Variants in CSMD3 observed in about 807,000 individuals in gnomAD.
The protein encoded by CSMD3 is CUB and sushi domain-containing protein 3.
A neutral mutation model predicts 435.2 loss-of-function variants in CSMD3; 177 were observed. The observed-to-expected ratio is 0.41, with a 90% CI of 0.36 to 0.46. CSMD3 has a LOEUF of 0.46. Among genes scored for constraint, CSMD3 ranks in the 20% least tolerant of loss-of-function variants. The pLI, the probability that CSMD3 is intolerant of heterozygous loss-of-function variation, is 0.34. For missense variants in CSMD3, 4,265 were observed against 4,504.6 expected (o/e 0.95, Z 1.52); for synonymous variants, 1,656 against 1,520.5 (o/e 1.09, Z -2.07).
In CSMD3 at chr8:112,734,419, C is replaced by T. The variant is rs188874147; in HGVS notation, c.1973-44369G>A. 3.6e-4 allele frequency among the ~76,000 whole-genome samples: 55 copies of T among 151,710 alleles called. 1 individual carries two copies. Among genetic ancestry groups the T allele is most frequent in the Middle Eastern group, 3.4e-3 (1 of 294 alleles). On this transcript the variant is annotated intron_variant, in intron 13 of 70. Transcript: ENST00000297405. The stretch of plus-strand genomic sequence containing the variant: ...GGCAAAAAGTCAATTCAGAAGGTTA[C>T]AAAAAAATTTTAAGTGTTGGGAGAG...
intron 61 of CSMD3, among the ~76,000 whole-genome samples, chr8:112,260,893 G>A (rs1455846983): frequency 6.6e-6 from 1 of 151,948 alleles, no homozygotes; most frequent in Non-Finnish European, 1.5e-5. Flanking sequence ...CTAAAAGCCT[G>A]GACTTCTCCA....
intron 10 of CSMD3, among the ~76,000 whole-genome samples, chr8:112,881,153 C>T (rs1026881029): frequency 3.9e-5 from 6 of 151,900 alleles, no homozygotes; most frequent in African/African-American, 1.4e-4. Flanking sequence ...ATGCACCTCA[C>T]GTTACAGGGA....
At chr8:113,278,284 C>T (rs1247137958) in intron 3 of CSMD3, among the ~76,000 whole-genome samples, 1 of 151,776 alleles carries the variant, frequency 6.6e-6, no homozygotes, top group Non-Finnish European at 1.5e-5. Flanking sequence ...GCACAAGGGA[C>T]TGTAGGGTAG....
At chr8:113,082,371 A>C (rs754497749) in intron 5 of CSMD3, among the ~76,000 whole-genome samples, 5 of 152,196 alleles carry the variant, frequency 3.3e-5, no homozygotes, top group East Asian at 1.9e-4. Context: ...ACTCACAGAT[A>C]TCACTGAAAT....
At chr8:113,345,688 G>GT (rs956380133) in intron 1 of CSMD3, among the ~76,000 whole-genome samples, 2 of 151,862 alleles carry the variant, frequency 1.3e-5, no homozygotes, top group African/African-American at 2.4e-5. Flanking sequence ...ATTTACTTCT[G>GT]TTTTTTTAAA....
chr8:113,152,748 T>C (rs767584122), intron 4 of CSMD3, among the ~76,000 whole-genome samples: 11 of 151,762 alleles, frequency 7.2e-5, no homozygotes, highest in East Asian at 2.0e-4. Context: ...GGGAGGCCAA[T>C]TGAGTGGATT....
At chr8:112,227,048 T>C (rs1262098927) in intron 70 of CSMD3, among the ~76,000 whole-genome samples, 2 of 152,200 alleles carry the variant, frequency 1.3e-5, no homozygotes, top group Non-Finnish European at 2.9e-5. Context: ...AATTGCCACA[T>C]ATTCCAGTAA....
intron 27 of CSMD3, among the ~76,000 whole-genome samples, chr8:112,531,527 A>G (rs1428628620): frequency 6.6e-6 from 1 of 152,084 alleles, no homozygotes; most frequent in African/African-American, 2.4e-5. Flanking sequence ...TGTTTGAGGT[A>G]AAGAGACGAA....
chr8:113,153,101 A>AAAAGAAAGAAAGAAAAGAAAG (rs1554791159), intron 4 of CSMD3, among the ~76,000 whole-genome samples: 20 of 99,994 alleles, frequency 2.0e-4, no homozygotes, highest in African/African-American at 9.4e-4. Flanking sequence ...AGAAAGAAAG[A>AAAAGAAAGAAAGAAAAGAAAG]AAAGAAAGAA....
At chr8:112,272,247 G>A (rs1368871282) in intron 59 of CSMD3, among the ~76,000 whole-genome samples, 1 of 152,024 alleles carries the variant, frequency 6.6e-6, no homozygotes, top group Admixed American at 6.6e-5. Context: ...AAGACATTCG[G>A]GTTTTCTAAA....
intron 2 of CSMD3, among the ~76,000 whole-genome samples, chr8:113,292,042 T>C (rs2093690008): frequency 1.3e-5 from 2 of 151,824 alleles, no homozygotes; most frequent in African/African-American, 4.8e-5. Flanking sequence ...CCATATTTTA[T>C]AACTGTTAAT....
intron 10 of CSMD3, among the ~76,000 whole-genome samples, chr8:112,871,372 C>T (rs2081130156): frequency 6.6e-6 from 1 of 151,808 alleles, no homozygotes; most frequent in Admixed American, 6.6e-5. Context: ...AATTAGTAAC[C>T]TAGGAAGAAA....
chr8:112,469,159 G>GT (rs1818267014), intron 32 of CSMD3, among the ~76,000 whole-genome samples: 1 of 49,970 alleles, frequency 2.0e-5, no homozygotes, highest in African/African-American at 1.2e-4. Context: ...TCTACACCAG[G>GT]CAAAAAAAAA....
At chr8:112,903,129 A>C (rs1398801928) in intron 10 of CSMD3, among the ~76,000 whole-genome samples, 1 of 145,130 alleles carries the variant, frequency 6.9e-6, no homozygotes, top group African/African-American at 2.6e-5. Flanking sequence ...TTCTTGATAC[A>C]ACATCTGGGT....
rs993702828 is a variant in CSMD3 at position 112,341,472 on chromosome 8, C to T, written c.6652+5G>A. 1.3e-5 allele frequency: 21 copies of T among 1,568,134 alleles called. No individual in the cohort carries two copies. Among genetic ancestry groups the T allele is most frequent in the East Asian group, 2.2e-5 (1 of 44,552 alleles). On this transcript the variant is annotated splice_donor_5th_base_variant and intron_variant, in intron 42 of 70. Coordinates refer to ENST00000297405, the MANE Select transcript of CSMD3 (RefSeq NM_198123.2). ...TAAATTTTCATTTTTTATTATTTCTCTTACCTTGGTATACAATATGAAACC... is the reference window on the plus strand; with the variant it reads ...TAAATTTTCATTTTTTATTATTTCTTTTACCTTGGTATACAATATGAAACC...
At chr8:112,375,007 C>G (rs1470381410) in intron 38 of CSMD3, among the ~76,000 whole-genome samples, 1 of 152,090 alleles carries the variant, frequency 6.6e-6, no homozygotes, top group East Asian at 1.9e-4. Flanking sequence ...AGCCTCTGGA[C>G]CATTAGGAGA....
intron 25 of CSMD3, among the ~76,000 whole-genome samples, chr8:112,552,958 A>G (rs1683524848): frequency 6.6e-6 from 1 of 152,142 alleles, no homozygotes; most frequent in Non-Finnish European, 1.5e-5. Context: ...AAGAATTAAA[A>G]CAAGACACAC....
At chr8:112,681,033 C>CT (rs1251404975) in intron 16 of CSMD3, among the ~76,000 whole-genome samples, 4 of 149,264 alleles carry the variant, frequency 2.7e-5, no homozygotes, top group Non-Finnish European at 3.0e-5. Context: ...TACTTTTTTC[C>CT]TTTTTCTTTT....
chr8:112,262,935 A>G (rs1816564116), intron 61 of CSMD3, among the ~76,000 whole-genome samples: 1 of 152,154 alleles, frequency 6.6e-6, no homozygotes, highest in African/African-American at 2.4e-5. Flanking sequence ...AGACAGGTAG[A>G]GTCCTCCTCT....
Sources: allele counts gnomAD v4.1 joint callset (sites outside exome capture counted in the v4.1 genomes callset), GRCh38; gene constraint gnomAD v4.1.1; transcripts MANE v1.5; gene names NCBI Gene and HGNC (gene_info 2026-07-23, HGNC 2026-07-21).